Variants in PDLIM5 observed in about 807,000 individuals in gnomAD.
PDLIM5 encodes PDZ and LIM domain 5, also known as PDZ and LIM domain protein 5.
A neutral mutation model predicts 64.2 loss-of-function variants in PDLIM5; 34 were observed. The observed-to-expected ratio is 0.53, with a 90% CI of 0.40 to 0.71. The LOEUF (loss-of-function observed/expected upper bound fraction) is 0.71. PDLIM5 is among the 30% of genes least tolerant of loss of function. PDLIM5 has a pLI of 0.00. For synonymous variants in PDLIM5, 253 were observed against 269.1 expected, an observed-to-expected ratio of 0.94 and a Z score of 0.59; for missense variants, 683 against 733.6, an observed-to-expected ratio of 0.93 and a Z score of 0.80.
chr4:94,530,935 A>G (rs1027429736), intron 3 of PDLIM5, among the ~76,000 whole-genome samples: 2 of 152,116 alleles, frequency 1.3e-5, no homozygotes, highest in South Asian at 2.1e-4. Flanking sequence ...TATGGGTTCA[A>G]CTCTGCTGTT....
At chr4:94,569,084 A>G (rs1407619688) in intron 3 of PDLIM5, among the ~76,000 whole-genome samples, 2 of 152,176 alleles carry the variant, frequency 1.3e-5, no homozygotes, top group Non-Finnish European at 2.9e-5. Context: ...TTACCTTTAG[A>G]GATGACCTGT....
In PDLIM5 at chr4:94,618,161, T is replaced by G. The variant is rs760567368; in HGVS notation, c.1078T>G (p.Ser360Ala). Residue 360 changes from serine to alanine, a missense_variant, in exon 8 of 13, where the codon TCA (serine) becomes GCA (alanine). Ser to Ala is a moderately conservative substitution (Grantham distance 99). Transcript: ENST00000317968. ...KPVGSTGVIKSPSWQRPNQGV... is the reference protein window; with the variant it reads ...KPVGSTGVIKAPSWQRPNQGV... ...TGTAGGATCCACTGGCGTCATCAAG[T>G]CACCAAGCTGGCAACGGCCAAACCA... 49 of 1,603,362 alleles carry G rather than the reference T, an allele frequency of 3.1e-5. No homozygotes were observed. The highest frequency in any genetic ancestry group is 4.2e-5 in the Non-Finnish European group (49 of 1,175,592).
intron 3 of PDLIM5, among the ~76,000 whole-genome samples, chr4:94,548,481 T>G (rs190985464): frequency 6.6e-6 from 1 of 152,126 alleles, no homozygotes; most frequent in African/African-American, 2.4e-5. Flanking sequence ...CAACAGGAAA[T>G]TGGAGAGATA....
chr4:94,499,559 C>T (rs1452136496), intron 2 of PDLIM5, among the ~76,000 whole-genome samples: 5 of 152,170 alleles, frequency 3.3e-5, no homozygotes, highest in Admixed American at 3.3e-4. Context: ...TTGTGTTAAG[C>T]ATGACAAGTA....
chr4:94,468,681 A>G (rs1431051582), intron 2 of PDLIM5, among the ~76,000 whole-genome samples: 1 of 152,204 alleles, frequency 6.6e-6, no homozygotes, highest in Non-Finnish European at 1.5e-5. Context: ...GAATAAATTT[A>G]GGAAAAACAT....
At chr4:94,464,701 C>G (rs1442841189) in intron 2 of PDLIM5, among the ~76,000 whole-genome samples, 2 of 152,192 alleles carry the variant, frequency 1.3e-5, no homozygotes, top group African/African-American at 2.4e-5. Flanking sequence ...TATCTTTATG[C>G]TACTCACTTG....
chr4:94,503,538 T>C (rs1003480265), intron 2 of PDLIM5, among the ~76,000 whole-genome samples: 2 of 152,204 alleles, frequency 1.3e-5, no homozygotes, highest in Non-Finnish European at 2.9e-5. Context: ...AGTAATATTG[T>C]CCAGTTCATG....
At chr4:94,523,109 A>G (rs1236415343) in intron 2 of PDLIM5, among the ~76,000 whole-genome samples, 2 of 152,206 alleles carry the variant, frequency 1.3e-5, no homozygotes, top group South Asian at 4.1e-4. Context: ...GACATGCACA[A>G]AAAAGTTGGG....
chr4:94,650,283 C>T (rs1287320318), intron 9 of PDLIM5, among the ~76,000 whole-genome samples: 1 of 152,132 alleles, frequency 6.6e-6, no homozygotes, highest in Non-Finnish European at 1.5e-5. Context: ...CACTCTATTC[C>T]TGTGGCTGTG....
intron 2 of PDLIM5, among the ~76,000 whole-genome samples, chr4:94,495,047 A>C (rs985397671): frequency 2.0e-4 from 31 of 152,218 alleles, no homozygotes; most frequent in Non-Finnish European, 3.8e-4. Flanking sequence ...GCCCGGCCCG[A>C]CCATGTTTTA....
intron 7 of PDLIM5, among the ~76,000 whole-genome samples, chr4:94,615,241 G>A (rs560705408): frequency 6.6e-5 from 10 of 152,114 alleles, no homozygotes; most frequent in Non-Finnish European, 1.3e-4. Context: ...TGAAGTGGAG[G>A]AGACAAGATG....
intron 2 of PDLIM5, among the ~76,000 whole-genome samples, chr4:94,499,121 A>G (rs865823825): frequency 7.5e-4 from 114 of 152,314 alleles, no homozygotes; most frequent in African/African-American, 2.3e-3. Context: ...GGTCACCAAA[A>G]TATAATTTAT....
chr4:94,461,695 A>G (rs556561556), intron 2 of PDLIM5, among the ~76,000 whole-genome samples: 8 of 152,188 alleles, frequency 5.3e-5, no homozygotes, highest in Admixed American at 3.3e-4. Flanking sequence ...CCCATTTTTT[A>G]TGACAATTAC....
In PDLIM5 at chr4:94,455,616, G is replaced by A. The variant is rs1464011276; in HGVS notation, c.96+232G>A. 7 of 662,334 alleles carry A rather than the reference G, an allele frequency of 1.1e-5. No individual in the cohort carries two copies. The East Asian group carries it at 1.1e-4, about 10-fold the overall frequency. The allele number at this position is 662,334 out of a possible 1,614,324, so 41.0% of individuals were successfully genotyped here. A position where few individuals can be genotyped will look rare whatever the true frequency, so the allele number is the denominator to read the frequency against. ...CCCCCATGTTATCAATAATAAAATG[G>A]AAAAAGCATTTAACTAGGAACAGAC... On this transcript the variant is annotated intron_variant, in intron 2 of 12. Coordinates refer to ENST00000317968, the MANE Select transcript of PDLIM5 (RefSeq NM_006457.5).
intron 2 of PDLIM5, among the ~76,000 whole-genome samples, chr4:94,522,384 A>G (rs1729909775): frequency 6.6e-6 from 1 of 151,772 alleles, no homozygotes; most frequent in South Asian, 2.1e-4. Context: ...TTTATTTTTT[A>G]TTTTTTGAGG....
chr4:94,558,048 A>G (rs1052115112), intron 3 of PDLIM5, among the ~76,000 whole-genome samples: 2 of 152,188 alleles, frequency 1.3e-5, no homozygotes, highest in Non-Finnish European at 2.9e-5. Context: ...TGAGTTTGTC[A>G]TAAGTAGCTC....
rs375364739 is a variant in PDLIM5 at position 94,585,570 on chromosome 4, C to T, written c.716C>T (p.Pro239Leu). The T allele has an allele frequency of 2.5e-6, 4 of 1,578,140 alleles. 1 individual carries two copies. The South Asian group carries it at 3.5e-5, about 14-fold the overall frequency. Residue 239 changes from proline to leucine, a missense_variant, in exon 6 of 13, where the codon CCA (proline) becomes CTA (leucine). Physicochemically the swap from Pro to Leu is moderately conservative, Grantham distance 98. Transcript: ENST00000317968. ...TTTTTTCTCCTTAACCCTAGCCCACCAAGAAAACACATTGTGGAGCGCTAT... is the reference window on the plus strand; with the variant it reads ...TTTTTTCTCCTTAACCCTAGCCCACTAAGAAAACACATTGTGGAGCGCTAT... ...QGDSKQQNGP[P>L]RKHIVERYTE...
intron 7 of PDLIM5, among the ~76,000 whole-genome samples, chr4:94,603,695 G>T (rs1385389910): frequency 6.6e-6 from 1 of 152,178 alleles, no homozygotes; most frequent in Non-Finnish European, 1.5e-5. Flanking sequence ...GCGCACGCGC[G>T]CGTGTGTGAG....
rs1742963199 is a variant in PDLIM5, at chr4:94,664,410, T to TC, written c.*345dup. The TC allele has an allele frequency of 1.3e-6, 1 of 777,806 alleles. No individual in the cohort carries two copies. Among genetic ancestry groups the TC allele is most frequent in the African/African-American group, 1.9e-5 (1 of 53,236 alleles). The allele number at this position is 777,806 out of a possible 1,614,324, so 48.2% of individuals were successfully genotyped here. ...CAATCTGAAATAATTATACCTTCTTTCCTTGTTAGGTAGTTATGAGTAAAT... is the reference window on the plus strand; with the variant it reads ...CAATCTGAAATAATTATACCTTCTTTCCCTTGTTAGGTAGTTATGAGTAAAT... On this transcript the variant is annotated 3_prime_UTR_variant, in exon 13 of 13. Coordinates refer to ENST00000317968, the MANE Select transcript of PDLIM5 (RefSeq NM_006457.5).
Sources: gnomAD v4.1 joint callset for allele counts (sites outside exome capture counted in the v4.1 genomes callset) on GRCh38, gnomAD v4.1.1 for gene constraint, MANE v1.5 for transcripts, NCBI Gene and HGNC (gene_info 2026-07-23, HGNC 2026-07-21) for gene names.